Variants in MYO18B observed in about 807,000 individuals in gnomAD.
The protein encoded by MYO18B is unconventional myosin-XVIIIb.
In MYO18B, 204 loss-of-function variants were observed where a neutral mutation model predicts 273.0. The ratio of observed to expected loss-of-function variants is 0.75; its 90% CI spans 0.67 to 0.84. MYO18B has a LOEUF of 0.84. MYO18B is among the 40% of genes least tolerant of loss of function. The pLI is 0.00. For synonymous variants in MYO18B, 1,330 were observed against 1,305.7 expected, an observed-to-expected ratio of 1.02 and a Z score of -0.40; for missense variants, 3,212 against 3,287.6, an observed-to-expected ratio of 0.98 and a Z score of 0.56.
intron 12 of MYO18B, among the ~76,000 whole-genome samples, chr22:25,799,114 T>C (rs2145765611): frequency 1.4e-5 from 2 of 145,440 alleles, no homozygotes; most frequent in Non-Finnish European, 3.0e-5. Flanking sequence ...TGTTATCACC[T>C]TATGCGGTGT....
chr22:25,858,915 A>G (rs1234423080), intron 21 of MYO18B, among the ~76,000 whole-genome samples: 1 of 152,246 alleles, frequency 6.6e-6, no homozygotes, highest in Non-Finnish European at 1.5e-5. Context: ...CTTTCTGAGC[A>G]CATACTGTGT....
At chr22:25,911,234 C>T (rs1168079675) in intron 33 of MYO18B, among the ~76,000 whole-genome samples, 184 bp downstream of exon 33, 1 of 152,178 alleles carries the variant, frequency 6.6e-6, no homozygotes, top group Non-Finnish European at 1.5e-5. Flanking sequence ...TGTAAGAACC[C>T]ATGGGGAATA....
intron 23 of MYO18B, among the ~76,000 whole-genome samples, chr22:25,875,309 C>T (rs1311375109): frequency 1.3e-5 from 2 of 152,222 alleles, no homozygotes. Flanking sequence ...CTGAACCTCA[C>T]TTTCCCCATC....
chr22:25,975,874 C>T (rs544253154), intron 39 of MYO18B, among the ~76,000 whole-genome samples: 1 of 152,190 alleles, frequency 6.6e-6, no homozygotes, highest in South Asian at 2.1e-4. Flanking sequence ...ATGCCAGGGC[C>T]CCCAAAGTTA....
intron 5 of MYO18B, among the ~76,000 whole-genome samples, chr22:25,770,582 CTG>C (rs1238635511): frequency 6.6e-6 from 1 of 152,074 alleles, no homozygotes; most frequent in Non-Finnish European, 1.5e-5. Flanking sequence ...AAATGGCAGT[CTG>C]TGTGTGAGAT....
At chr22:25,754,213 A>G (rs1438363490) in intron 1 of MYO18B, among the ~76,000 whole-genome samples, 2 of 152,144 alleles carry the variant, frequency 1.3e-5, no homozygotes, top group African/African-American at 2.4e-5. Context: ...CATTGAGAAG[A>G]CTTTAGGTGA....
chr22:25,820,858 G>A (rs1316929596), intron 12 of MYO18B, among the ~76,000 whole-genome samples: 1 of 151,980 alleles, frequency 6.6e-6, no homozygotes, highest in Non-Finnish European at 1.5e-5. Flanking sequence ...CCAGCCTCTA[G>A]TATGCTCTAT....
At chr22:25,831,828 A>G (rs1258705422) in intron 15 of MYO18B, among the ~76,000 whole-genome samples, 2 of 152,238 alleles carry the variant, frequency 1.3e-5, no homozygotes, top group Non-Finnish European at 2.9e-5. Flanking sequence ...TAAAGCTCTC[A>G]GCATGACGGC....
chr22:25,827,187 C>G (rs762947686), intron 14 of MYO18B, among the ~76,000 whole-genome samples: 1 of 152,198 alleles, frequency 6.6e-6, no homozygotes, highest in Non-Finnish European at 1.5e-5. Context: ...TGCTTTGCAT[C>G]ATTGAATACT....
Position 25,946,185 on chromosome 22 carries a change from G to T in MYO18B, c.5566G>T (p.Val1856Leu). Residue 1856 changes from valine to leucine, a missense_variant, in exon 35 of 44, where the codon GTG becomes TTG. By Grantham distance (32) the Val-to-Leu change is conservative. Transcript: ENST00000335473. ...TGAGGAGGCCTTGAAGACGCAGAAG[G>T]TGCTCACAGCGGACCTGGAGAGCAT... ...KCEEALKTQKVLTADLESMHS... is the reference protein window; with the variant it reads ...KCEEALKTQKLLTADLESMHS... 1 of 1,582,946 alleles carries T rather than the reference G, an allele frequency of 6.3e-7. No individual in the cohort carries two copies.
intron 32 of MYO18B, among the ~76,000 whole-genome samples, chr22:25,909,322 A>G (rs1408415292): frequency 2.0e-5 from 3 of 152,174 alleles, no homozygotes; most frequent in African/African-American, 4.8e-5. Flanking sequence ...AATACACTCA[A>G]TTTTGCCTTG....
At chr22:25,828,509 ATT>A (rs769541770) in intron 14 of MYO18B, among the ~76,000 whole-genome samples, 19 of 143,180 alleles carry the variant, frequency 1.3e-4, no homozygotes, top group Middle Eastern at 3.5e-3. Context: ...TAAGCTAGTC[ATT>A]TTTTTTTTTT....
rs141619889 is a variant in MYO18B at position 25,998,014 on chromosome 22, C to T, written c.6288-5251C>T. ...GAGAGAGAGAGAGATGCTTCAGCTGCAGGTGAGGTTCTTTGAGAGACTTGT... is the reference window on the plus strand; with the variant it reads ...GAGAGAGAGAGAGATGCTTCAGCTGTAGGTGAGGTTCTTTGAGAGACTTGT... On this transcript the variant is annotated intron_variant, in intron 40 of 43. Transcript: ENST00000335473. Among the ~76,000 whole-genome samples, 349 of 137,000 alleles carry T rather than the reference C, an allele frequency of 2.5e-3. 3 individuals carry two copies. The highest frequency in any genetic ancestry group is 9.1e-3 in the African/African-American group (328 of 36,146). The allele number at this position is 137,000 out of a possible 152,430, so 89.9% of individuals were successfully genotyped here. A position where few individuals can be genotyped will look rare whatever the true frequency, so the allele number is the denominator to read the frequency against.
At chr22:25,936,345 A>C (rs2092577938) in intron 34 of MYO18B, among the ~76,000 whole-genome samples, 1 of 152,158 alleles carries the variant, frequency 6.6e-6, no homozygotes, top group African/African-American at 2.4e-5. Flanking sequence ...AAAATACAAA[A>C]AATTAGGAGG....
chr22:25,752,862 C>T (rs552879107), intron 1 of MYO18B, among the ~76,000 whole-genome samples: 1 of 152,274 alleles, frequency 6.6e-6, no homozygotes, highest in South Asian at 2.1e-4. Context: ...GGGGCCAGTG[C>T]GAGTTCCGGG....
chr22:25,758,630 T>C (rs1384049682), intron 1 of MYO18B, among the ~76,000 whole-genome samples: 1 of 152,104 alleles, frequency 6.6e-6, no homozygotes, highest in Non-Finnish European at 1.5e-5. Context: ...GATTCCGTTA[T>C]AGCGAATGTC....
At chr22:25,842,019 C>G (rs1569096886) in intron 17 of MYO18B, among the ~76,000 whole-genome samples, 1 of 152,238 alleles carries the variant, frequency 6.6e-6, no homozygotes, top group South Asian at 2.1e-4. Context: ...AGGGAAACTT[C>G]ACTTTGCTAG....
At chr22:25,895,693 T>C (rs1371037778) in intron 28 of MYO18B, 1 of 155,774 alleles carries the variant, frequency 6.4e-6, no homozygotes, top group Non-Finnish European at 1.4e-5. Flanking sequence ...ACCAAAGCAA[T>C]AGCCTCCTAG....
chr22:25,857,867 G>A (rs2090620200), intron 21 of MYO18B, among the ~76,000 whole-genome samples: 1 of 152,206 alleles, frequency 6.6e-6, no homozygotes, highest in African/African-American at 2.4e-5. Context: ...TGGCCAGGCT[G>A]GTCTTGAACT....
Sources: allele counts gnomAD v4.1 joint callset (sites outside exome capture counted in the v4.1 genomes callset), GRCh38; gene constraint gnomAD v4.1.1; transcripts MANE v1.5; gene names NCBI Gene and HGNC (gene_info 2026-07-23, HGNC 2026-07-21).